Variants in ZNF644 observed in about 807,000 individuals in gnomAD.
ZNF644 encodes zinc finger protein 644.
ZNF644 carries 20 observed loss-of-function variants against 108.0 expected under a neutral mutation model. The ratio of observed to expected loss-of-function variants is 0.19; its 90% CI spans 0.13 to 0.27. The LOEUF is 0.27. Among genes scored for constraint, ZNF644 ranks in the 10% least tolerant of loss-of-function variants. The probability of loss-of-function intolerance (pLI) is 1.00; values close to 1 mark genes in which losing one functional copy is unlikely to be tolerated. For synonymous variants in ZNF644, 542 were observed against 539.1 expected, an observed-to-expected ratio of 1.01 and a Z score of -0.08; for missense variants, 1,338 against 1,548.9, an observed-to-expected ratio of 0.86 and a Z score of 2.29.
chr1:90,933,877 T>C (rs1303984837), intron 4 of ZNF644, among the ~76,000 whole-genome samples: 3 of 152,200 alleles, frequency 2.0e-5, no homozygotes, highest in Non-Finnish European at 4.4e-5. Flanking sequence ...TTTGAGCAAA[T>C]TAAGTTCTTT....
chr1:91,017,486 G>A (rs1201145617), intron 1 of ZNF644, among the ~76,000 whole-genome samples: 1 of 152,154 alleles, frequency 6.6e-6, no homozygotes, highest in Non-Finnish European at 1.5e-5. Context: ...TGCCCTGGCA[G>A]GCTCCTCCTC....
chr1:90,995,422 A>G (rs371229950), intron 1 of ZNF644, among the ~76,000 whole-genome samples: 21 of 152,278 alleles, frequency 1.4e-4, no homozygotes, highest in African/African-American at 5.1e-4. Flanking sequence ...AGTCCAACAT[A>G]TATGTAAGTC....
In ZNF644 at chr1:90,916,684, TC is replaced by T. The variant is rs1011189233; in HGVS notation, c.*113del. 4 of 1,139,392 alleles carry T rather than the reference TC, an allele frequency of 3.5e-6. No individual in the cohort carries two copies. The highest frequency in any genetic ancestry group is 2.5e-5 in the East Asian group (1 of 39,570). 70.6% of individuals were successfully genotyped at this position (1,139,392 alleles called of 1,614,324 possible). A position where few individuals can be genotyped will look rare whatever the true frequency, so the allele number is the denominator to read the frequency against. ...GCTCTGATGTCACTGTAATTCACTTTCCCCCCATTTTCCTGCTTTAGTATTT... is the reference window on the plus strand; with the variant it reads ...GCTCTGATGTCACTGTAATTCACTTTCCCCCATTTTCCTGCTTTAGTATTT... On this transcript the variant is annotated 3_prime_UTR_variant, in exon 6 of 6. Transcript: ENST00000337393.
At chr1:90,923,455 CT>C (rs1438268951) in intron 4 of ZNF644, among the ~76,000 whole-genome samples, 70 of 152,242 alleles carry the variant, frequency 4.6e-4, no homozygotes, top group Non-Finnish European at 7.9e-4. Context: ...TTGCTCCTAG[CT>C]ATACCACTTC....
At chr1:90,995,835 G>A (rs1220153707) in intron 1 of ZNF644, among the ~76,000 whole-genome samples, 2 of 152,162 alleles carry the variant, frequency 1.3e-5, no homozygotes, top group African/African-American at 4.8e-5. Flanking sequence ...AAAAGGGGAA[G>A]GAAAGTAGTA....
intron 4 of ZNF644, among the ~76,000 whole-genome samples, chr1:90,925,604 A>G (rs992895754): frequency 7.0e-6 from 1 of 143,516 alleles, no homozygotes. Flanking sequence ...AACATATATT[A>G]AAAAAAAAAA....
chr1:91,003,739 A>T (rs1659130586), intron 1 of ZNF644, among the ~76,000 whole-genome samples: 1 of 152,144 alleles, frequency 6.6e-6, no homozygotes, highest in Non-Finnish European at 1.5e-5. Context: ...ACACATGGAG[A>T]GACAAGCAGT....
intron 1 of ZNF644, among the ~76,000 whole-genome samples, chr1:91,019,417 A>G (rs1660697923): frequency 1.3e-5 from 2 of 152,110 alleles, no homozygotes; most frequent in Non-Finnish European, 2.9e-5. Flanking sequence ...TTGTTTTTTA[A>G]TTTTTCAATT....
chr1:90,998,221 G>C (rs920307793), intron 1 of ZNF644, among the ~76,000 whole-genome samples: 5 of 152,202 alleles, frequency 3.3e-5, no homozygotes, highest in African/African-American at 1.2e-4. Flanking sequence ...GACGGAGTCT[G>C]AGATCTGAGA....
chr1:90,990,992 G>GTA (rs1657579483), intron 1 of ZNF644, among the ~76,000 whole-genome samples: 2 of 152,112 alleles, frequency 1.3e-5, no homozygotes, highest in South Asian at 2.1e-4. Flanking sequence ...GGCCTCCTGA[G>GTA]TATATATATG....
intron 2 of ZNF644, among the ~76,000 whole-genome samples, chr1:90,950,804 C>CA (rs1653079985): frequency 6.6e-6 from 1 of 152,176 alleles, no homozygotes; most frequent in Admixed American, 6.5e-5. Context: ...ACAGACTTCT[C>CA]AAAGAGTATG....
chr1:90,939,123 T>C lies in ZNF644; in HGVS notation c.2231A>G (p.Tyr744Cys). Reference protein sequence around the residue: ...ANSHYLYRHKYENYRMIKKSG... With the variant: ...ANSHYLYRHKCENYRMIKKSG... Reference sequence around the variant, plus strand: ...TTTTTTGATCATCCTATAGTTTTCATATTTGTGTCTATACAAATAGTGGCT... The same window carrying C: ...TTTTTTGATCATCCTATAGTTTTCACATTTGTGTCTATACAAATAGTGGCT... The change falls in exon 3 of 6, where the codon TAT becomes TGT. Residue 744 changes from tyrosine (Y) to cysteine (C), a missense_variant. Physicochemically the swap from Tyr to Cys is radical, Grantham distance 194. Coordinates refer to ENST00000337393, the MANE Select transcript of ZNF644 (RefSeq NM_201269.3). 6.2e-7 allele frequency: 1 copy of C among 1,613,830 alleles called. No individual in the cohort carries two copies. Among genetic ancestry groups the C allele is most frequent in the Non-Finnish European group, 8.5e-7 (1 of 1,179,884 alleles).
At chr1:90,968,082 A>AG in intron 2 of ZNF644, among the ~76,000 whole-genome samples, 1 of 151,172 alleles carries the variant, frequency 6.6e-6, no homozygotes, top group African/African-American at 2.4e-5. Context: ...AAAAAAAAAA[A>AG]ATCCAAGCTT....
chr1:90,934,360 T>G (rs1651091921), intron 4 of ZNF644, among the ~76,000 whole-genome samples: 1 of 152,062 alleles, frequency 6.6e-6, no homozygotes, highest in East Asian at 1.9e-4. Flanking sequence ...ACAAAAAAGC[T>G]GGGAAAACAA....
Position 90,940,132 on chromosome 1 carries a change from A to G in ZNF644, c.1222T>C (p.Ser408Pro). 6.2e-7 allele frequency: 1 copy of G among 1,614,074 alleles called. No homozygotes were observed. Among genetic ancestry groups the G allele is most frequent in the Non-Finnish European group, 8.5e-7 (1 of 1,179,970 alleles). The change falls in exon 3 of 6, where the codon TCA becomes CCA. Residue 408 changes from serine to proline, a missense_variant. This residue lies in a region of ZNF644 where 80 missense variants were observed against 183.0 expected (regional missense o/e 0.44). Coordinates refer to ENST00000337393, the MANE Select transcript of ZNF644 (RefSeq NM_201269.3). ...SPATFSTEEP[S>P]FYPCTKCNVN... ...TTGCACTTTGTACAGGGGTAGAATGATGGCTCTTCGGTACTGAAAGTAGCA... is the reference window on the plus strand; with the variant it reads ...TTGCACTTTGTACAGGGGTAGAATGGTGGCTCTTCGGTACTGAAAGTAGCA...
chr1:91,002,168 G>GA (rs1658911898), intron 1 of ZNF644, among the ~76,000 whole-genome samples: 3 of 152,170 alleles, frequency 2.0e-5, no homozygotes, highest in Non-Finnish European at 4.4e-5. Context: ...CACAGAACTG[G>GA]AAAAAACTAC....
At chr1:90,971,228 A>T (rs956787535) in intron 2 of ZNF644, among the ~76,000 whole-genome samples, 1 of 48,898 alleles carries the variant, frequency 2.0e-5, no homozygotes, top group Non-Finnish European at 4.6e-5. Flanking sequence ...TAGTTCATCA[A>T]CATAAAAAAA....
At chr1:91,017,380 T>A (rs566389381) in intron 1 of ZNF644, among the ~76,000 whole-genome samples, 1 of 152,122 alleles carries the variant, frequency 6.6e-6, no homozygotes, top group Admixed American at 6.5e-5. Flanking sequence ...AGGGCCAAGA[T>A]TAGTAGGAGA....
chr1:91,018,604 C>A (rs1660630838), intron 1 of ZNF644, among the ~76,000 whole-genome samples: 1 of 152,184 alleles, frequency 6.6e-6, no homozygotes, highest in African/African-American at 2.4e-5. Context: ...GCCAATTTCT[C>A]CATTTGCTGC....
Sources: gnomAD v4.1 joint callset for allele counts (sites outside exome capture counted in the v4.1 genomes callset) on GRCh38, gnomAD v4.1.1 for gene constraint, gnomAD v4.1.1 regional missense constraint, MANE v1.5 for transcripts, NCBI Gene and HGNC (gene_info 2026-07-23, HGNC 2026-07-21) for gene names.